Variants in ERP44 observed in about 807,000 individuals in gnomAD.
The protein encoded by ERP44 is endoplasmic reticulum protein 44, also known as endoplasmic reticulum resident protein 44.
Under a neutral mutation model 53.4 loss-of-function variants are expected in ERP44, and 25 were observed. That is an observed-to-expected ratio of 0.47 (90% CI 0.34 to 0.65). The LOEUF is 0.65. Among genes scored for constraint, ERP44 ranks in the 30% least tolerant of loss-of-function variants. The pLI is 0.01. For missense variants in ERP44, 338 were observed against 493.2 expected (o/e 0.69, Z 2.98); for synonymous variants, 145 against 161.2 (o/e 0.90, Z 0.76).
chr9:100,081,121 T>C (rs1826417998), intron 1 of ERP44, among the ~76,000 whole-genome samples: 1 of 152,064 alleles, frequency 6.6e-6, no homozygotes, highest in Non-Finnish European at 1.5e-5. Flanking sequence ...AACTGATCTA[T>C]TAAAAGTTTT....
intron 5 of ERP44, among the ~76,000 whole-genome samples, chr9:100,021,675 A>G (rs1415708118): frequency 6.6e-6 from 1 of 152,238 alleles, no homozygotes; most frequent in Non-Finnish European, 1.5e-5. Context: ...ATTAAAACTC[A>G]TAAAAAGAGC....
At chr9:100,061,532 ATATT>A (rs1398774290) in intron 1 of ERP44, among the ~76,000 whole-genome samples, 1 of 142,964 alleles carries the variant, frequency 7.0e-6, no homozygotes, top group Non-Finnish European at 1.5e-5. Flanking sequence ...AGAAACGTAT[ATATT>A]TATAGAAACG....
Position 99,989,378 on chromosome 9 carries a change from C to T in ERP44, c.1017-4309G>A, listed in dbSNP as rs148285665. Among the ~76,000 whole-genome samples the T allele has an allele frequency of 2.5e-4, 38 of 152,340 alleles. No individual in the cohort carries two copies. In the East Asian group the frequency reaches 6.2e-3, roughly 25 times the overall value. On this transcript the variant is annotated intron_variant, in intron 10 of 11. Coordinates refer to ENST00000262455, the MANE Select transcript of ERP44 (RefSeq NM_015051.3). ...AATAATTGCCCTCCTGCAATATTTG[C>T]TGTTGTGATACCCAGGCAAACAGGG...
rs191677223 is a variant in ERP44 at position 99,979,926 on chromosome 9, C to G, written c.*2686G>C. ...TTCTGCCTACAATATATACTACAAACCCCTTAGTCTGGCACACAAGGCCCT... is the reference window on the plus strand; with the variant it reads ...TTCTGCCTACAATATATACTACAAAGCCCTTAGTCTGGCACACAAGGCCCT... On this transcript the variant is annotated 3_prime_UTR_variant, in exon 12 of 12. Coordinates refer to ENST00000262455, the MANE Select transcript of ERP44 (RefSeq NM_015051.3). 1 of 398,360 alleles carries G rather than the reference C, an allele frequency of 2.5e-6. No homozygotes were observed. The highest frequency in any genetic ancestry group is 4.4e-6 in the Non-Finnish European group (1 of 225,986). 24.7% of individuals were successfully genotyped at this position (398,360 alleles called of 1,614,324 possible).
chr9:100,024,723 G>T (rs1830634728), intron 4 of ERP44, among the ~76,000 whole-genome samples: 1 of 152,084 alleles, frequency 6.6e-6, no homozygotes, highest in South Asian at 2.1e-4. Flanking sequence ...ATGCCATTAA[G>T]AATCAAGATT....
In ERP44 at chr9:100,042,290, A is replaced by C. The variant is rs537624868; in HGVS notation, c.286+10127T>G. Among the ~76,000 whole-genome samples the C allele has an allele frequency of 2.6e-5, 4 of 152,336 alleles. No individual in the cohort carries two copies. The South Asian group carries it at 8.3e-4, about 32-fold the overall frequency. ...TCTCAAATGAAAACATACAAATGGG[A>C]AACAGGTATATAAAAACGTGCACAA... On this transcript the variant is annotated intron_variant, in intron 4 of 11. Transcript: ENST00000262455.
intron 4 of ERP44, among the ~76,000 whole-genome samples, chr9:100,049,970 A>T (rs762078739): frequency 2.0e-5 from 3 of 152,076 alleles, no homozygotes; most frequent in Non-Finnish European, 4.4e-5. Context: ...ACACAATAGA[A>T]TGCCACTAAA....
At chr9:100,076,464 C>T (rs1826357544) in intron 1 of ERP44, among the ~76,000 whole-genome samples, 1 of 152,156 alleles carries the variant, frequency 6.6e-6, no homozygotes, top group African/African-American at 2.4e-5. Context: ...GATATGCAGG[C>T]ACCACCCAAA....
intron 4 of ERP44, among the ~76,000 whole-genome samples, chr9:100,034,589 CAAAGAA>C (rs1046863126): frequency 4.6e-5 from 7 of 151,206 alleles, no homozygotes; most frequent in African/African-American, 9.7e-5. Context: ...AAACAAAAAA[CAAAGAA>C]AAAGAAAAAG....
At chr9:99,993,733 G>A (rs1047188201) in intron 10 of ERP44, among the ~76,000 whole-genome samples, 8 of 152,134 alleles carry the variant, frequency 5.3e-5, no homozygotes, top group South Asian at 4.1e-4. Flanking sequence ...GCAACCTTAA[G>A]AATGGGAGAA....
chr9:100,085,836 T>C (rs767683168), intron 1 of ERP44, among the ~76,000 whole-genome samples: 3 of 152,212 alleles, frequency 2.0e-5, no homozygotes, highest in Non-Finnish European at 4.4e-5. Context: ...GAGGCAGAAG[T>C]TGCAGTGAGC....
chr9:100,027,700 A>G (rs546705138), intron 4 of ERP44, among the ~76,000 whole-genome samples: 1 of 152,226 alleles, frequency 6.6e-6, no homozygotes, highest in East Asian at 1.9e-4. Flanking sequence ...TGCCTGCCTC[A>G]CTAATACCCA....
chr9:99,996,633 G>C (rs112014209), intron 10 of ERP44, among the ~76,000 whole-genome samples: 4 of 152,130 alleles, frequency 2.6e-5, no homozygotes, highest in East Asian at 1.9e-4. Context: ...CCCATCACCA[G>C]AGCAGTATAC....
At chr9:100,044,052 G>A (rs1272118661) in intron 4 of ERP44, among the ~76,000 whole-genome samples, 1 of 152,102 alleles carries the variant, frequency 6.6e-6, no homozygotes, top group Non-Finnish European at 1.5e-5. Context: ...AAAGCTTTGT[G>A]TTGTAGTTCA....
chr9:100,028,083 T>C (rs867228233), intron 4 of ERP44, among the ~76,000 whole-genome samples: 2 of 152,264 alleles, frequency 1.3e-5, no homozygotes, highest in Non-Finnish European at 2.9e-5. Context: ...ATGATATTTA[T>C]ATATAGTTCC....
chr9:100,064,718 T>G (rs1268408135), intron 1 of ERP44, among the ~76,000 whole-genome samples: 1 of 152,214 alleles, frequency 6.6e-6, no homozygotes, highest in Non-Finnish European at 1.5e-5. Flanking sequence ...AAGATTATAA[T>G]GAAGCTGAAA....
chr9:100,030,606 T>C (rs913416789), intron 4 of ERP44, among the ~76,000 whole-genome samples: 3 of 152,166 alleles, frequency 2.0e-5, no homozygotes, highest in African/African-American at 7.2e-5. Flanking sequence ...TATGAATGGA[T>C]TTGGCATTAT....
chr9:100,005,198 C>T (rs1288159037), intron 10 of ERP44, among the ~76,000 whole-genome samples: 5 of 152,300 alleles, frequency 3.3e-5, no homozygotes, highest in South Asian at 2.1e-4. Context: ...CTTCTCACCT[C>T]GGGATAAACT....
chr9:100,068,626 AG>A (rs1470957286), intron 1 of ERP44, among the ~76,000 whole-genome samples: 1 of 134,774 alleles, frequency 7.4e-6, no homozygotes, highest in African/African-American at 2.8e-5. Flanking sequence ...TGGGGGGGTC[AG>A]CCCCCCACCC....
Sources: allele counts gnomAD v4.1 joint callset (sites outside exome capture counted in the v4.1 genomes callset), GRCh38; gene constraint gnomAD v4.1.1; transcripts MANE v1.5; gene names NCBI Gene and HGNC (gene_info 2026-07-23, HGNC 2026-07-21).